Variants in NBAS observed in about 807,000 individuals in gnomAD.
The protein encoded by NBAS is NBAS subunit of NRZ tethering complex.
Under a neutral mutation model 302.5 loss-of-function variants are expected in NBAS, and 219 were observed. The observed-to-expected ratio is 0.72, with a 90% CI of 0.65 to 0.81. The LOEUF (loss-of-function observed/expected upper bound fraction) is 0.81. Among genes scored for constraint, NBAS ranks in the 30% least tolerant of loss-of-function variants. The pLI is 0.00. For missense variants in NBAS, 2,932 were observed against 2,841.6 expected (o/e 1.03, Z -0.72); for synonymous variants, 1,118 against 1,021.6 (o/e 1.09, Z -1.80).
At chr2:14,868,175 C>G in the NBAS span, among the ~76,000 whole-genome samples, 2 of 152,140 alleles carry the variant, frequency 1.3e-5, no homozygotes, top group African/African-American at 2.4e-5. Flanking sequence ...TTATAAATAA[C>G]AAAACTGGAA....
At chr2:15,007,609 T>C in the NBAS span, among the ~76,000 whole-genome samples, 2 of 152,180 alleles carry the variant, frequency 1.3e-5, no homozygotes, top group Non-Finnish European at 2.9e-5. Context: ...TTGAGCTCTA[T>C]CCCAGATTGT....
chr2:15,430,867 C>T (rs1677732181), intron 21 of NBAS, among the ~76,000 whole-genome samples: 1 of 151,980 alleles, frequency 6.6e-6, no homozygotes. Flanking sequence ...AGTGCAGTGG[C>T]ACAATCTCAG....
At chr2:14,899,551 G>A in the NBAS span, among the ~76,000 whole-genome samples, 2 of 152,130 alleles carry the variant, frequency 1.3e-5, no homozygotes, top group Non-Finnish European at 2.9e-5. Context: ...CATTTAACTA[G>A]CAACTGTGTT....
the NBAS span, among the ~76,000 whole-genome samples, chr2:14,952,429 C>T: frequency 6.6e-6 from 1 of 152,210 alleles, no homozygotes; most frequent in African/African-American, 2.4e-5. Flanking sequence ...TTGTTTAACA[C>T]CCACTCAGTT....
At chr2:14,973,431 G>A in the NBAS span, among the ~76,000 whole-genome samples, 1 of 152,166 alleles carries the variant, frequency 6.6e-6, no homozygotes, top group African/African-American at 2.4e-5. Context: ...TTTTTTAAAA[G>A]AATTTTAAAA....
the NBAS span, among the ~76,000 whole-genome samples, chr2:14,848,646 A>G: frequency 1.4e-5 from 2 of 140,416 alleles, 1 homozygote; most frequent in Non-Finnish European, 3.0e-5. Context: ...ACAAAAAGAT[A>G]GCAGTAACCT....
the NBAS span, among the ~76,000 whole-genome samples, chr2:14,906,882 A>G: frequency 1.3e-5 from 2 of 152,178 alleles, no homozygotes; most frequent in Non-Finnish European, 2.9e-5. Flanking sequence ...CAAGAGACAC[A>G]GCCTAAGTTT....
the NBAS span, among the ~76,000 whole-genome samples, chr2:14,948,808 T>C: frequency 6.6e-6 from 1 of 151,910 alleles, no homozygotes; most frequent in East Asian, 1.9e-4. Context: ...AGAACAAAGG[T>C]GGAGGCATCA....
intron 16 of NBAS, among the ~76,000 whole-genome samples, chr2:15,471,757 G>A (rs1679964923): frequency 6.6e-6 from 1 of 152,126 alleles, no homozygotes; most frequent in Non-Finnish European, 1.5e-5. Flanking sequence ...GTCCTCATAA[G>A]AGGAGGCAGT....
At chr2:14,999,423 A>G in the NBAS span, among the ~76,000 whole-genome samples, 2 of 152,206 alleles carry the variant, frequency 1.3e-5, no homozygotes, top group East Asian at 3.9e-4. Flanking sequence ...TTGAATTGTA[A>G]TCCTAATGTG....
chr2:15,286,099 C>A (rs2148086555), intron 42 of NBAS, among the ~76,000 whole-genome samples: 1 of 152,298 alleles, frequency 6.6e-6, no homozygotes, highest in Admixed American at 6.5e-5. Context: ...TTTTACTCAC[C>A]CTCATATCTA....
In NBAS at chr2:15,259,477, A is replaced by G. The variant is rs143950128; in HGVS notation, c.5724+16007T>C. ...CTAGCCAACACCTGGTGATAAGCCA[A>G]TAGGCTCCTCAACCCCTCTTTACAG... is the stretch of plus-strand genomic sequence containing the variant. On this transcript the variant is annotated intron_variant, in intron 44 of 51. Transcript: ENST00000281513. Among the ~76,000 whole-genome samples the G allele has an allele frequency of 2.2e-3, 329 of 152,370 alleles. 2 individuals are homozygous for G. Among genetic ancestry groups the G allele is most frequent in the African/African-American group, 7.7e-3 (319 of 41,592 alleles).
the NBAS span, among the ~76,000 whole-genome samples, chr2:14,865,649 G>A: frequency 6.6e-6 from 1 of 151,916 alleles, no homozygotes; most frequent in Non-Finnish European, 1.5e-5. Flanking sequence ...GTTTTGTTTT[G>A]TTCATTACAA....
At chr2:15,407,918 C>T (rs143175540) in intron 25 of NBAS, among the ~76,000 whole-genome samples, 1 of 152,272 alleles carries the variant, frequency 6.6e-6, no homozygotes, top group East Asian at 1.9e-4. Flanking sequence ...CACTTCCTTA[C>T]CTTTTCCAGC....
chr2:15,090,797 AT>A, the NBAS span, among the ~76,000 whole-genome samples: 2 of 152,202 alleles, frequency 1.3e-5, no homozygotes, highest in African/African-American at 4.8e-5. Context: ...GCTCTGCAGC[AT>A]TGATAAAAGC....
At chr2:15,190,012 T>C (rs1439840250) in intron 49 of NBAS, among the ~76,000 whole-genome samples, 5 of 152,212 alleles carry the variant, frequency 3.3e-5, no homozygotes, top group African/African-American at 1.2e-4. Flanking sequence ...ATTGTTTTTG[T>C]TGACATCATA....
chr2:15,276,818 G>C (rs779138702), intron 43 of NBAS, 33 bp downstream of exon 43: 2 of 1,613,632 alleles, frequency 1.2e-6, no homozygotes, highest in Non-Finnish European at 1.7e-6. Context: ...TAATTGAAAA[G>C]AATGAATTCA....
chr2:15,009,427 A>T, the NBAS span, among the ~76,000 whole-genome samples: 2 of 151,956 alleles, frequency 1.3e-5, no homozygotes, highest in Admixed American at 1.3e-4. Context: ...ATTTTCAAAG[A>T]TTCTTAAACT....
At chr2:14,860,877 A>G in the NBAS span, among the ~76,000 whole-genome samples, 2 of 152,210 alleles carry the variant, frequency 1.3e-5, no homozygotes. Flanking sequence ...GAAAAGACAA[A>G]AATTTAAGGT....
Sources: gnomAD v4.1 joint callset for allele counts (sites outside exome capture counted in the v4.1 genomes callset) on GRCh38, gnomAD v4.1.1 for gene constraint, MANE v1.5 for transcripts, NCBI Gene and HGNC (gene_info 2026-07-23, HGNC 2026-07-21) for gene names.